Variants in DOP1B observed in about 807,000 individuals in gnomAD.
DOP1B encodes protein DOP1B.
A neutral mutation model predicts 233.5 loss-of-function variants in DOP1B; 174 were observed. That is an observed-to-expected ratio of 0.75 (90% CI 0.66 to 0.85). DOP1B has a LOEUF of 0.85. Among genes scored for constraint, DOP1B ranks in the 40% least tolerant of loss-of-function variants. The pLI is 0.00. For missense variants in DOP1B, 2,652 were observed against 2,846.6 expected, an observed-to-expected ratio of 0.93 and a Z score of 1.56; for synonymous variants, 1,190 against 1,185.6, an observed-to-expected ratio of 1.00 and a Z score of -0.08.
intron 18 of DOP1B, among the ~76,000 whole-genome samples, chr21:36,241,394 G>A (rs1217947376): frequency 6.6e-6 from 1 of 151,528 alleles, no homozygotes; most frequent in Non-Finnish European, 1.5e-5. Context: ...TGAAACCAAA[G>A]GAATAAGCTC....
chr21:36,254,094 GCTT>G (rs957720147), intron 23 of DOP1B, among the ~76,000 whole-genome samples, 185 bp downstream of exon 23: 4 of 152,100 alleles, frequency 2.6e-5, no homozygotes, highest in African/African-American at 7.2e-5. Context: ...AAGATCTGGT[GCTT>G]CTTTTTTAAG....
At chr21:36,225,705 T>C (rs969035136) in intron 12 of DOP1B, 38 bp downstream of exon 12, 1 of 1,601,734 alleles carries the variant, frequency 6.2e-7, no homozygotes, top group African/African-American at 1.3e-5. Context: ...CGCCTGCTAT[T>C]ATTTACATTC....
intron 7 of DOP1B, among the ~76,000 whole-genome samples, chr21:36,213,775 G>A (rs986507263): frequency 4.0e-5 from 6 of 148,378 alleles, no homozygotes; most frequent in African/African-American, 1.5e-4. Context: ...CCTGACCTCA[G>A]GTGATCCACC....
intron 26 of DOP1B, among the ~76,000 whole-genome samples, chr21:36,267,584 T>A (rs1015841587): frequency 6.8e-6 from 1 of 146,282 alleles, no homozygotes; most frequent in South Asian, 2.2e-4. Flanking sequence ...CCTGGGAGCC[T>A]AAGGATGGCT....
Position 36,288,743 on chromosome 21 carries a change from A to G in DOP1B, c.6298-13A>G. The G allele has an allele frequency of 6.3e-7, 1 of 1,575,262 alleles. No homozygotes were observed. Among genetic ancestry groups the G allele is most frequent in the Non-Finnish European group, 8.7e-7 (1 of 1,151,954 alleles). ...CTGTCTCAGATAGTAACTTGAATGCATTTTTTTTTCAGATTCAGACATTCA... is the reference window on the plus strand; with the variant it reads ...CTGTCTCAGATAGTAACTTGAATGCGTTTTTTTTTCAGATTCAGACATTCA... On this transcript the variant is annotated splice_polypyrimidine_tract_variant and intron_variant, in intron 33 of 36. Transcript: ENST00000691173.
intron 27 of DOP1B, among the ~76,000 whole-genome samples, chr21:36,275,394 A>T (rs1399166336): frequency 2.6e-5 from 4 of 152,086 alleles, no homozygotes; most frequent in Non-Finnish European, 4.4e-5. Flanking sequence ...TGGGAGGCTG[A>T]GGCTAGCAGT....
rs777560487 is a variant in DOP1B at position 36,253,876 on chromosome 21, G to A, written c.5226G>A (p.Val1742=). The A allele has an allele frequency of 2.0e-5, 32 of 1,614,086 alleles. No individual in the cohort carries two copies. Among genetic ancestry groups the A allele is most frequent in the Non-Finnish European group, 2.7e-5 (32 of 1,180,000 alleles). ...DTLLHLVKEV[V]KRPPQVKGGD... is the part of the protein sequence containing the mutation. Reference sequence around the variant, plus strand: ...TGCTGCACCTGGTGAAGGAGGTGGTGAAGAGGCCACCCCAAGTCAAAGGGG... The same window carrying A: ...TGCTGCACCTGGTGAAGGAGGTGGTAAAGAGGCCACCCCAAGTCAAAGGGG... The change falls in exon 23 of 37, where the codon GTG becomes GTA. Residue 1742 remains valine, a synonymous_variant. Coordinates refer to ENST00000691173, the MANE Select transcript of DOP1B (RefSeq NM_001320714.2).
chr21:36,269,939 A>G, intron 26 of DOP1B, 74 bp from the exon 27 acceptor site: 1 of 1,484,080 alleles, frequency 6.7e-7, no homozygotes, highest in Non-Finnish European at 9.3e-7. Context: ...TTTCTACTGG[A>G]CAGTGCTGTT....
chr21:36,160,157 A>G (rs935688731), intron 1 of DOP1B, among the ~76,000 whole-genome samples: 1 of 151,806 alleles, frequency 6.6e-6, no homozygotes, highest in African/African-American at 2.4e-5. Context: ...AATAATATGG[A>G]CCATTTTGGA....
At chr21:36,287,832 G>A (rs12329707) in intron 32 of DOP1B, among the ~76,000 whole-genome samples, 182 bp from the exon 33 acceptor site, 59,703 of 151,636 alleles carry the variant, frequency 0.39, 11,804 homozygotes, top group Middle Eastern at 0.51. Context: ...TTATCCGCCC[G>A]CCTCGGCCTC....
chr21:36,194,223 A>T (rs568693695), intron 2 of DOP1B, among the ~76,000 whole-genome samples: 5 of 152,348 alleles, frequency 3.3e-5, no homozygotes, highest in African/African-American at 1.2e-4. Context: ...GTGTGACGAC[A>T]GCTCCAAGGA....
At chr21:36,251,315 A>C in intron 22 of DOP1B, 31 bp downstream of exon 22, 3 of 1,593,568 alleles carry the variant, frequency 1.9e-6, no homozygotes, top group Non-Finnish European at 2.6e-6. Context: ...GGAGTGGTTA[A>C]ACTTACTGTG....
chr21:36,262,575 G>A (rs9974041), intron 24 of DOP1B, among the ~76,000 whole-genome samples: 39,251 of 152,026 alleles, frequency 0.26, 5,539 homozygotes, highest in Admixed American at 0.32. Flanking sequence ...CAGGGAAGCA[G>A]AATATTAGCA....
chr21:36,185,612 T>G (rs1461383123), intron 2 of DOP1B, among the ~76,000 whole-genome samples: 8 of 152,112 alleles, frequency 5.3e-5, no homozygotes, highest in Non-Finnish European at 1.0e-4. Context: ...AAGCCCACAC[T>G]CCAGGGTTGA....
chr21:36,199,476 A>G (rs138894099), intron 3 of DOP1B, among the ~76,000 whole-genome samples: 1,719 of 151,926 alleles, frequency 0.011, 28 homozygotes, highest in African/African-American at 0.04. Flanking sequence ...TAGGGTACAT[A>G]TGCACAACGT....
chr21:36,267,114 A>G (rs1480920125), intron 26 of DOP1B, among the ~76,000 whole-genome samples: 2 of 152,214 alleles, frequency 1.3e-5, no homozygotes, highest in East Asian at 3.9e-4. Context: ...TCGGATGTCA[A>G]GGATTATAGC....
chr21:36,232,424 T>C (rs978500708), intron 14 of DOP1B, among the ~76,000 whole-genome samples: 1 of 152,172 alleles, frequency 6.6e-6, no homozygotes, highest in Non-Finnish European at 1.5e-5. Flanking sequence ...CTGGATGGAA[T>C]ACTTTTTGGC....
rs577277730 is a variant in DOP1B at position 36,280,758 on chromosome 21, C to T, written c.6031+412C>T. Among the ~76,000 whole-genome samples, 315 of 152,134 alleles carry T rather than the reference C, an allele frequency of 2.1e-3. 2 individuals carry two copies. Among genetic ancestry groups the T allele is most frequent in the African/African-American group, 7.0e-3 (289 of 41,510 alleles). ...GTGGCTCACGCCTGTAATCCCAGCA[C>T]TTTGGGAGGCTGAGATGGGCGGATC... On this transcript the variant is annotated intron_variant, in intron 31 of 36. Coordinates refer to ENST00000691173, the MANE Select transcript of DOP1B (RefSeq NM_001320714.2).
Position 36,244,019 on chromosome 21 carries a change from C to CTTTTT in DOP1B, c.3068-1008_3068-1004dup, listed in dbSNP as rs35020490. Among the ~76,000 whole-genome samples the CTTTTT allele has an allele frequency of 6.0e-3, 423 of 70,608 alleles. 12 individuals carry two copies. The highest frequency in any genetic ancestry group is 0.017 in the African/African-American group (274 of 16,502). 46.3% of individuals were successfully genotyped at this position (70,608 alleles called of 152,430 possible). ...TGTACCTGGCCTGATTTTTCCTTTC[C>CTTTTT]TTTTTTTTTTTTTTTTTTTTTTTTT... On this transcript the variant is annotated intron_variant, in intron 18 of 36. Transcript: ENST00000691173.
Sources: allele counts gnomAD v4.1 joint callset (sites outside exome capture counted in the v4.1 genomes callset), GRCh38; gene constraint gnomAD v4.1.1; transcripts MANE v1.5; gene names NCBI Gene and HGNC (gene_info 2026-07-23, HGNC 2026-07-21).